The following TMOD3 variants were observed in gnomAD, a reference collection of about 807,000 sequenced individuals.
The protein encoded by TMOD3 is tropomodulin-3.
In TMOD3, 20 loss-of-function variants were observed where a neutral mutation model predicts 39.2. The ratio of observed to expected loss-of-function variants is 0.51; its 90% confidence interval spans 0.36 to 0.74. The LOEUF is 0.74. TMOD3 is among the 30% of genes least tolerant of loss of function. The probability of loss-of-function intolerance (pLI) is 0.00; values close to 1 mark genes in which losing one functional copy is unlikely to be tolerated. For synonymous variants in TMOD3, 143 were observed against 145.8 expected (o/e 0.98, Z 0.14); for missense variants, 381 against 412.8 (o/e 0.92, Z 0.67).
chr15:51,866,457 C>A (rs1008365461), intron 2 of TMOD3, among the ~76,000 whole-genome samples: 2 of 151,768 alleles, frequency 1.3e-5, no homozygotes, highest in African/African-American at 4.8e-5. Flanking sequence ...GACCCTGTCT[C>A]CCCCCTACCC....
chr15:51,857,146 C>T (rs1448445650), intron 1 of TMOD3, among the ~76,000 whole-genome samples: 3 of 152,228 alleles, frequency 2.0e-5, no homozygotes, highest in African/African-American at 4.8e-5. Context: ...GCATACTCTG[C>T]GAGTCTGTTT....
chr15:51,908,660 T>A, intron 9 of TMOD3, 116 bp from the exon 10 acceptor site: 1 of 635,616 alleles, frequency 1.6e-6, no homozygotes, highest in Non-Finnish European at 2.4e-6. Flanking sequence ...GAAATGGACA[T>A]TTCAATTTTG....
At chr15:51,837,086 A>G (rs1241722045) in intron 1 of TMOD3, among the ~76,000 whole-genome samples, 1 of 152,048 alleles carries the variant, frequency 6.6e-6, no homozygotes, top group Non-Finnish European at 1.5e-5. Context: ...ATATATATAT[A>G]GACTTGTAGG....
intron 1 of TMOD3, among the ~76,000 whole-genome samples, chr15:51,840,771 C>T (rs923839923): frequency 1.3e-5 from 2 of 152,114 alleles, no homozygotes; most frequent in Non-Finnish European, 2.9e-5. Context: ...ATTGAATTGC[C>T]TTCTGAGATT....
At chr15:51,897,998 C>T (rs1292182559) in intron 7 of TMOD3, among the ~76,000 whole-genome samples, 1 of 152,058 alleles carries the variant, frequency 6.6e-6, no homozygotes, top group Non-Finnish European at 1.5e-5. Context: ...TTTACCTACC[C>T]CAAAGTCAGT....
At chr15:51,901,033 C>T (rs2056647504) in intron 8 of TMOD3, 1 of 152,232 alleles carries the variant, frequency 6.6e-6, no homozygotes, top group African/African-American at 2.4e-5. Context: ...CTCTGGCAAT[C>T]ACTCATCCAC....
intron 1 of TMOD3, among the ~76,000 whole-genome samples, chr15:51,839,325 A>G (rs1016900425): frequency 1.3e-5 from 2 of 151,362 alleles, no homozygotes; most frequent in Non-Finnish European, 2.9e-5. Context: ...ACGTGCCACC[A>G]TGCCTGGCTA....
At chr15:51,876,146 C>T (rs531946180) in intron 3 of TMOD3, among the ~76,000 whole-genome samples, 9 of 152,102 alleles carry the variant, frequency 5.9e-5, no homozygotes, top group African/African-American at 2.2e-4. Context: ...TTTGTCCTGT[C>T]TGTTCTTTGA....
At chr15:51,888,213 T>C (rs137985541) in intron 4 of TMOD3, among the ~76,000 whole-genome samples, 59 of 152,342 alleles carry the variant, frequency 3.9e-4, no homozygotes, top group African/African-American at 1.3e-3. Flanking sequence ...CAATTTCTTA[T>C]CTAGACCAGT....
chr15:51,837,245 C>T (rs1203837216), intron 1 of TMOD3, among the ~76,000 whole-genome samples: 1 of 151,998 alleles, frequency 6.6e-6, no homozygotes, highest in Non-Finnish European at 1.5e-5. Flanking sequence ...GGTGGTAAAA[C>T]TTTGATGAGG....
intron 3 of TMOD3, among the ~76,000 whole-genome samples, chr15:51,886,451 G>A (rs544672882): frequency 1.3e-5 from 2 of 152,256 alleles, no homozygotes; most frequent in Admixed American, 1.3e-4. Context: ...GATCACTCAC[G>A]GCCAGGAGCT....
intron 5 of TMOD3, among the ~76,000 whole-genome samples, chr15:51,892,021 C>T (rs955515769): frequency 5.3e-5 from 8 of 152,154 alleles, no homozygotes; most frequent in African/African-American, 1.7e-4. Context: ...TTTCACCTGA[C>T]CTCGGGAAAG....
At chr15:51,859,639 A>C (rs1265902739) in intron 1 of TMOD3, 1 of 518,456 alleles carries the variant, frequency 1.9e-6, no homozygotes. Context: ...CCTTCACTCC[A>C]CTCTGCCAAG....
chr15:51,868,580 G>A (rs2056459209), intron 2 of TMOD3, among the ~76,000 whole-genome samples: 1 of 152,184 alleles, frequency 6.6e-6, no homozygotes, highest in Non-Finnish European at 1.5e-5. Context: ...AGAAGATGTG[G>A]TATGTGGTTA....
intron 7 of TMOD3, among the ~76,000 whole-genome samples, chr15:51,897,737 C>T (rs1180053908): frequency 6.7e-6 from 1 of 149,742 alleles, no homozygotes; most frequent in East Asian, 2.0e-4. Flanking sequence ...CCCACCTCAA[C>T]CTCCCAAAGT....
intron 9 of TMOD3, among the ~76,000 whole-genome samples, chr15:51,906,775 C>A (rs2056683481): frequency 6.6e-6 from 1 of 152,120 alleles, no homozygotes; most frequent in Non-Finnish European, 1.5e-5. Flanking sequence ...AATCCCAGCA[C>A]TTTGGGAGGC....
chr15:51,872,822 T>G (rs1167576392), intron 3 of TMOD3, among the ~76,000 whole-genome samples: 1 of 152,188 alleles, frequency 6.6e-6, no homozygotes, highest in African/African-American at 2.4e-5. Context: ...ATATGGGAGA[T>G]GATTACCGAA....
In TMOD3 at chr15:51,914,817, C is replaced by G. The variant is rs141541762; in HGVS notation, c.*6007C>G. The G allele has an allele frequency of 7.3e-6, 1 of 137,884 alleles. No individual in the cohort carries two copies. Among genetic ancestry groups the G allele is most frequent in the Admixed American group, 7.8e-5 (1 of 12,802 alleles). 8.5% of individuals were successfully genotyped at this position (137,884 alleles called of 1,614,324 possible). A position where few individuals can be genotyped will look rare whatever the true frequency, so the allele number is the denominator to read the frequency against. On this transcript the variant is annotated 3_prime_UTR_variant, in exon 10 of 10. Transcript: ENST00000308580. ...TGCGATCTCAGCTCACTGCAACCTC[C>G]GCCTCCTGGGTTCAGATGATTTTCC...
At chr15:51,869,453 T>C in intron 3 of TMOD3, 80 bp downstream of exon 3, 1 of 1,365,486 alleles carries the variant, frequency 7.3e-7, no homozygotes, top group East Asian at 2.3e-5. Context: ...AAAATCATAT[T>C]TTTAGAGGTA....
Sources: allele counts gnomAD v4.1 joint callset (sites outside exome capture counted in the v4.1 genomes callset), GRCh38; gene constraint gnomAD v4.1.1; transcripts MANE v1.5; gene names NCBI Gene and HGNC (gene_info 2026-07-23, HGNC 2026-07-21).